Variants in P4HA1 observed in about 807,000 individuals in gnomAD.
P4HA1 encodes the protein prolyl 4-hydroxylase subunit alpha-1.
In P4HA1, 24 loss-of-function variants were observed where a neutral mutation model predicts 72.8. The observed-to-expected ratio is 0.33, with a 90% CI of 0.24 to 0.46. P4HA1 has a LOEUF of 0.46. P4HA1 is among the 20% of genes least tolerant of loss of function. P4HA1 has a pLI of 1.00. For synonymous variants in P4HA1, 201 were observed against 218.8 expected, an observed-to-expected ratio of 0.92 and a Z score of 0.72; for missense variants, 446 against 640.6, an observed-to-expected ratio of 0.70 and a Z score of 3.28.
chr10:73,095,918 G>C (rs1422966158), intron 1 of P4HA1, among the ~76,000 whole-genome samples: 1 of 152,138 alleles, frequency 6.6e-6, no homozygotes, highest in South Asian at 2.1e-4. Context: ...CATACATCCG[G>C]GGGCCAGCCA....
intron 5 of P4HA1, among the ~76,000 whole-genome samples, chr10:73,066,918 C>T (rs1005089079): frequency 6.6e-6 from 1 of 152,124 alleles, no homozygotes; most frequent in Non-Finnish European, 1.5e-5. Flanking sequence ...TCAATTAAAC[C>T]TCTTTTTTAA....
intron 5 of P4HA1, among the ~76,000 whole-genome samples, chr10:73,062,759 G>T (rs1435817406): frequency 1.3e-5 from 2 of 152,098 alleles, no homozygotes; most frequent in Admixed American, 6.5e-5. Context: ...AACAGAAAAG[G>T]CATTTATGAG....
At chr10:73,014,130 G>A in intron 12 of P4HA1, 94 bp downstream of exon 12, 1 of 822,326 alleles carries the variant, frequency 1.2e-6, no homozygotes, top group East Asian at 2.5e-5. Context: ...AAACTAGGAT[G>A]CTGAATCAGA....
chr10:73,078,209 A>T (rs1190774273), intron 1 of P4HA1, among the ~76,000 whole-genome samples: 2 of 152,166 alleles, frequency 1.3e-5, no homozygotes, highest in African/African-American at 4.8e-5. Flanking sequence ...CTTGGAACTC[A>T]CAAAAAGGAA....
chr10:73,086,298 G>A (rs1401775397), intron 1 of P4HA1, among the ~76,000 whole-genome samples: 4 of 152,214 alleles, frequency 2.6e-5, no homozygotes, highest in African/African-American at 7.2e-5. Context: ...CCATTAGTGG[G>A]TAAACAAAGT....
intron 9 of P4HA1, chr10:73,043,931 A>T (rs1156433983): frequency 6.2e-7 from 1 of 1,613,012 alleles, no homozygotes; most frequent in Non-Finnish European, 8.5e-7. Context: ...TTCCAGTCTC[A>T]GGGTCATGTA....
At chr10:73,034,676 C>G (rs1233089729) in intron 9 of P4HA1, among the ~76,000 whole-genome samples, 1 of 151,598 alleles carries the variant, frequency 6.6e-6, no homozygotes, top group Non-Finnish European at 1.5e-5. Flanking sequence ...CAGCCTCAAC[C>G]TTCCGGGCTC....
chr10:73,067,611 T>C (rs1338109744), intron 5 of P4HA1, among the ~76,000 whole-genome samples: 1 of 152,180 alleles, frequency 6.6e-6, no homozygotes, highest in Non-Finnish European at 1.5e-5. Flanking sequence ...CTGAATATGA[T>C]ATGCTCTCTC....
rs565399269 is a variant in P4HA1, at chr10:73,040,794, C to T, written c.1148+4187G>A. ...GCCGTAATTTTGTTTTATATGCTTC[C>T]TAGAAGCATGCAAATCTAGAGGATT... On this transcript the variant is annotated intron_variant, in intron 9 of 14. Transcript: ENST00000394890. Among the ~76,000 whole-genome samples, 4 of 152,090 alleles carry T rather than the reference C, an allele frequency of 2.6e-5. No homozygotes were observed. In the East Asian group the frequency reaches 7.7e-4, roughly 29 times the overall value.
At chr10:73,024,840 C>T (rs1226489061) in intron 10 of P4HA1, among the ~76,000 whole-genome samples, 1 of 152,062 alleles carries the variant, frequency 6.6e-6, no homozygotes, top group Non-Finnish European at 1.5e-5. Flanking sequence ...ATACAAACTA[C>T]CATCAGAGAA....
At chr10:73,027,405 A>C (rs2133056280) in intron 10 of P4HA1, among the ~76,000 whole-genome samples, 1 of 149,158 alleles carries the variant, frequency 6.7e-6, no homozygotes, top group Non-Finnish European at 1.5e-5. Context: ...CAATGAGAAC[A>C]CTTGGACACA....
intron 1 of P4HA1, among the ~76,000 whole-genome samples, chr10:73,089,865 A>C (rs1242561433): frequency 6.6e-6 from 1 of 152,136 alleles, no homozygotes; most frequent in Non-Finnish European, 1.5e-5. Context: ...AGTCATAAGG[A>C]TACTGCCGAT....
intron 10 of P4HA1, among the ~76,000 whole-genome samples, chr10:73,022,472 C>T (rs908898551): frequency 2.0e-5 from 3 of 152,144 alleles, no homozygotes; most frequent in African/African-American, 4.8e-5. Flanking sequence ...GTCATCTACA[C>T]CAAAACCCCA....
intron 9 of P4HA1, among the ~76,000 whole-genome samples, chr10:73,034,071 G>T (rs1840505096): frequency 6.6e-6 from 1 of 152,028 alleles, no homozygotes; most frequent in Non-Finnish European, 1.5e-5. Flanking sequence ...AATTAGCCAG[G>T]CATGGTAGCG....
At chr10:73,043,846 T>G (rs200325650) in intron 9 of P4HA1, 3 of 1,387,050 alleles carry the variant, frequency 2.2e-6, no homozygotes, top group Admixed American at 1.8e-5. Context: ...AAGAAAGAAA[T>G]GGTCCAAATA....
intron 3 of P4HA1, among the ~76,000 whole-genome samples, chr10:73,073,191 T>A (rs1841607779): frequency 7.0e-6 from 1 of 141,912 alleles, no homozygotes; most frequent in Non-Finnish European, 1.5e-5. Flanking sequence ...AAAAAATGTA[T>A]CAGTCAGCTT....
intron 1 of P4HA1, among the ~76,000 whole-genome samples, chr10:73,082,263 A>G (rs927096973): frequency 6.6e-6 from 1 of 152,184 alleles, no homozygotes; most frequent in Non-Finnish European, 1.5e-5. Flanking sequence ...ACAGCCCCAT[A>G]AGTCAAGGAG....
rs1485441673 is a variant in P4HA1, at chr10:73,053,594, T to C, written c.464-4A>G. 3 of 1,612,466 alleles carry C rather than the reference T, an allele frequency of 1.9e-6. No homozygotes were observed. Among genetic ancestry groups the C allele is most frequent in the South Asian group, 2.2e-5 (2 of 90,940 alleles). Reference sequence around the variant, plus strand: ...AGAAAAGATTTGTGTTTCACTCCTATGAAAAGAAAATACAGAGAACTTTAG... The same window carrying C: ...AGAAAAGATTTGTGTTTCACTCCTACGAAAAGAAAATACAGAGAACTTTAG... On this transcript the variant is annotated splice_region_variant and splice_polypyrimidine_tract_variant and intron_variant, in intron 5 of 14. Transcript: ENST00000394890.
intron 1 of P4HA1, among the ~76,000 whole-genome samples, chr10:73,096,552 G>C (rs559563875): frequency 2.0e-5 from 3 of 152,242 alleles, no homozygotes; most frequent in Admixed American, 1.3e-4. Context: ...AGGTGGGAAG[G>C]GGGGCACGAA....
Sources: allele counts gnomAD v4.1 joint callset (sites outside exome capture counted in the v4.1 genomes callset), GRCh38; gene constraint gnomAD v4.1.1; transcripts MANE v1.5; gene names NCBI Gene and HGNC (gene_info 2026-07-23, HGNC 2026-07-21).